The following PARN variants were observed in gnomAD, a reference collection of about 807,000 sequenced individuals.
The protein encoded by PARN is poly(A)-specific ribonuclease, also known as poly(A)-specific ribonuclease PARN.
A neutral mutation model predicts 102.8 loss-of-function variants in PARN; 71 were observed. The observed-to-expected ratio is 0.69, with a 90% CI of 0.57 to 0.84. PARN has a LOEUF of 0.84. Ranked by LOEUF, PARN falls within the 40% of genes least tolerant of loss-of-function variation. PARN has a pLI of 0.00. For missense variants in PARN, 782 were observed against 760.9 expected (o/e 1.03, Z -0.33); for synonymous variants, 261 against 252.9 (o/e 1.03, Z -0.30).
At chr16:14,582,944 C>CA (rs1319867044) in intron 16 of PARN, among the ~76,000 whole-genome samples, 3 of 152,092 alleles carry the variant, frequency 2.0e-5, no homozygotes, top group South Asian at 4.1e-4. Context: ...AACCCTCCCC[C>CA]AAAAAAAGAG....
At chr16:14,610,529 C>A in intron 7 of PARN, 115 bp downstream of exon 7, 1 of 563,662 alleles carries the variant, frequency 1.8e-6, no homozygotes, top group Non-Finnish European at 3.1e-6. Context: ...CTGCCATTCA[C>A]AACATCACAC....
intron 13 of PARN, among the ~76,000 whole-genome samples, chr16:14,591,043 AC>A (rs528811693): frequency 1.8e-3 from 269 of 152,248 alleles, no homozygotes; most frequent in Non-Finnish European, 3.5e-3. Flanking sequence ...TGAGCCCAGC[AC>A]CCTGAGATCA....
intron 21 of PARN, among the ~76,000 whole-genome samples, chr16:14,485,610 A>G (rs1963631477): frequency 6.6e-6 from 1 of 152,042 alleles, no homozygotes; most frequent in Admixed American, 6.6e-5. Context: ...TTCTGTACCA[A>G]TTGTTAACCA....
intron 21 of PARN, among the ~76,000 whole-genome samples, chr16:14,538,121 G>A (rs942286764): frequency 6.6e-6 from 1 of 151,882 alleles, no homozygotes; most frequent in Non-Finnish European, 1.5e-5. Flanking sequence ...TACTTATCTA[G>A]GCAGAGTAAA....
chr16:14,624,129 G>C (rs1463813697), intron 5 of PARN, among the ~76,000 whole-genome samples: 1 of 151,900 alleles, frequency 6.6e-6, no homozygotes, highest in Non-Finnish European at 1.5e-5. Context: ...GCGCACACAG[G>C]GTCTTATTTT....
At chr16:14,613,219 G>C (rs933782649) in intron 6 of PARN, among the ~76,000 whole-genome samples, 1 of 149,364 alleles carries the variant, frequency 6.7e-6, no homozygotes, top group Non-Finnish European at 1.5e-5. Flanking sequence ...TGAGGCAGGA[G>C]AATCGCTTGA....
intron 22 of PARN, 119 bp downstream of exon 22, chr16:14,482,519 A>C (rs1963438062): frequency 1.4e-6 from 1 of 723,842 alleles, no homozygotes; most frequent in South Asian, 2.1e-5. Flanking sequence ...TATGATGTGA[A>C]AAGTTGAAAG....
In PARN at chr16:14,480,170, T is replaced by TA. The variant is rs576420286; in HGVS notation, c.1670+2467dup. On this transcript the variant is annotated intron_variant, in intron 22 of 23. Transcript: ENST00000437198. Reference sequence around the variant, plus strand: ...CAACATGGCGAAACCCTGTCTCTACTAAAAAAACAAAAATTACGCGGGCGT... The same window carrying TA: ...CAACATGGCGAAACCCTGTCTCTACTAAAAAAAACAAAAATTACGCGGGCGT... Among the ~76,000 whole-genome samples the TA allele has an allele frequency of 2.9e-3, 445 of 151,838 alleles. 2 individuals carry two copies. The highest frequency in any genetic ancestry group is 6.8e-3 in the Middle Eastern group (2 of 294).
intron 5 of PARN, among the ~76,000 whole-genome samples, chr16:14,620,364 G>A (rs926712296): frequency 3.9e-5 from 6 of 152,084 alleles, no homozygotes; most frequent in African/African-American, 1.2e-4. Flanking sequence ...GCGACAGAGC[G>A]AGACTCCATC....
At chr16:14,617,502 A>G (rs1243459405) in intron 6 of PARN, 88 bp downstream of exon 6, 1 of 764,674 alleles carries the variant, frequency 1.3e-6, no homozygotes, top group African/African-American at 1.7e-5. Context: ...CAGGCACAAA[A>G]TAATAATTCT....
intron 7 of PARN, 32 bp from the exon 8 acceptor site, chr16:14,609,155 T>C: frequency 1.1e-5 from 12 of 1,060,820 alleles, no homozygotes; most frequent in Non-Finnish European, 1.7e-5. Flanking sequence ...TAACCATCAG[T>C]ACCTTTAAGG....
At chr16:14,523,743 T>C (rs1314434370) in intron 21 of PARN, among the ~76,000 whole-genome samples, 3 of 152,048 alleles carry the variant, frequency 2.0e-5, no homozygotes, top group Admixed American at 2.0e-4. Context: ...CTCCCAGAAA[T>C]GACAGAAGGA....
At chr16:14,530,318 G>A (rs1966254684) in intron 21 of PARN, among the ~76,000 whole-genome samples, 1 of 152,076 alleles carries the variant, frequency 6.6e-6, no homozygotes, top group African/African-American at 2.4e-5. Flanking sequence ...GGAGAGCTCT[G>A]CCAGTTACCT....
At chr16:14,564,579 G>A (rs967213536) in intron 18 of PARN, among the ~76,000 whole-genome samples, 2 of 152,156 alleles carry the variant, frequency 1.3e-5, no homozygotes, top group Non-Finnish European at 2.9e-5. Context: ...AGGGTGAGGC[G>A]AGGCCTCAGA....
At chr16:14,622,869 C>T (rs1211608773) in intron 5 of PARN, among the ~76,000 whole-genome samples, 1 of 151,998 alleles carries the variant, frequency 6.6e-6, no homozygotes, top group African/African-American at 2.4e-5. Flanking sequence ...TTTGGGAAGC[C>T]AAAGTGGGCA....
At chr16:14,548,939 A>T (rs980198218) in intron 21 of PARN, among the ~76,000 whole-genome samples, 8 of 150,658 alleles carry the variant, frequency 5.3e-5, no homozygotes, top group African/African-American at 2.0e-4. Flanking sequence ...GGGCAAAAGA[A>T]ATGACCCTGT....
chr16:14,470,753 C>T (rs1962690569), intron 22 of PARN, among the ~76,000 whole-genome samples: 1 of 152,110 alleles, frequency 6.6e-6, no homozygotes, highest in Non-Finnish European at 1.5e-5. Flanking sequence ...GGCATCTGGC[C>T]TGGCTGAGTT....
intron 18 of PARN, among the ~76,000 whole-genome samples, chr16:14,565,603 A>AAC (rs1968379923): frequency 6.6e-6 from 1 of 152,256 alleles, no homozygotes; most frequent in African/African-American, 2.4e-5. Flanking sequence ...CCAACAGTCT[A>AAC]AGTCAACATC....
chr16:14,511,979 A>G (rs2151638661), intron 21 of PARN, among the ~76,000 whole-genome samples: 1 of 152,360 alleles, frequency 6.6e-6, no homozygotes, highest in African/African-American at 2.4e-5. Flanking sequence ...GTGAGTCACC[A>G]GGCCTGGACA....
Sources: gnomAD v4.1 joint callset for allele counts (sites outside exome capture counted in the v4.1 genomes callset) on GRCh38, gnomAD v4.1.1 for gene constraint, MANE v1.5 for transcripts, NCBI Gene and HGNC (gene_info 2026-07-23, HGNC 2026-07-21) for gene names.